Variants in TM4SF19 observed in about 807,000 individuals in gnomAD.
The protein encoded by TM4SF19 is transmembrane 4 L six family member 19.
A neutral mutation model predicts 21.8 loss-of-function variants in TM4SF19; 17 were observed. That is an observed-to-expected ratio of 0.78 (90% CI 0.53 to 1.17). The LOEUF is 1.17. Ranked by LOEUF, TM4SF19 falls within the 50% of genes most tolerant of loss-of-function variation. The probability of loss-of-function intolerance (pLI) is 0.00; values close to 1 mark genes in which losing one functional copy is unlikely to be tolerated. For synonymous variants in TM4SF19, 107 were observed against 106.7 expected, an observed-to-expected ratio of 1.00 and a Z score of -0.02; for missense variants, 216 against 252.1, an observed-to-expected ratio of 0.86 and a Z score of 0.97.
At chr3:196,335,586 G>A (rs1727723593) in intron 1 of TM4SF19, among the ~76,000 whole-genome samples, 1 of 151,670 alleles carries the variant, frequency 6.6e-6, no homozygotes, top group Non-Finnish European at 1.5e-5. Context: ...AGGGGCCCAA[G>A]GGTCCTGGGG....
At chr3:196,326,619 CAT>C (rs139537865) in intron 3 of TM4SF19, among the ~76,000 whole-genome samples, 2,316 of 152,220 alleles carry the variant, frequency 0.015, 60 homozygotes, top group African/African-American at 0.053. Context: ...ATCAATGACA[CAT>C]GATTACAGTG....
chr3:196,327,165 C>G, intron 2 of TM4SF19, 133 bp from the exon 3 acceptor site: 1 of 816,632 alleles, frequency 1.2e-6, no homozygotes, highest in East Asian at 2.7e-5. Context: ...TGGGGACCCA[C>G]ATTTGTATGA....
rs150300791 is a variant in TM4SF19 at position 196,338,325 on chromosome 3, A to G, written c.-63T>C. On this transcript the variant is annotated 5_prime_UTR_variant, in exon 1 of 5. Coordinates refer to ENST00000273695, the MANE Select transcript of TM4SF19 (RefSeq NM_138461.4). Reference sequence around the variant, plus strand: ...GAACCTGGAGAAAGGCTGCGTCTTCAGAGTGGGGCTCCACTCCTCCAGCTC... The same window carrying G: ...GAACCTGGAGAAAGGCTGCGTCTTCGGAGTGGGGCTCCACTCCTCCAGCTC... The G allele has an allele frequency of 0.01, 1,600 of 152,430 alleles. 9 individuals carry two copies. The highest frequency in any genetic ancestry group is 0.023 in the Middle Eastern group (7 of 298). 9.4% of individuals were successfully genotyped at this position (152,430 alleles called of 1,614,324 possible). A position where few individuals can be genotyped will look rare whatever the true frequency, so the allele number is the denominator to read the frequency against.
intron 3 of TM4SF19, among the ~76,000 whole-genome samples, chr3:196,326,364 G>A (rs1258279200): frequency 6.6e-6 from 1 of 151,080 alleles, no homozygotes; most frequent in Non-Finnish European, 1.5e-5. Flanking sequence ...GTTACCATAA[G>A]GCCACAGATT....
intron 1 of TM4SF19, among the ~76,000 whole-genome samples, chr3:196,331,396 G>T (rs1727500630): frequency 1.3e-5 from 2 of 151,508 alleles, no homozygotes; most frequent in Admixed American, 6.6e-5. Context: ...CCAGGAAGTG[G>T]CCTGTTCCCA....
chr3:196,324,189 G>A (rs1727189014), intron 4 of TM4SF19, 82 bp downstream of exon 4: 1 of 1,531,796 alleles, frequency 6.5e-7, no homozygotes, highest in Admixed American at 1.7e-5. Context: ...ACCCAAAGGA[G>A]CTTGTAGTTC....
chr3:196,334,673 T>C (rs1380691581), intron 1 of TM4SF19, among the ~76,000 whole-genome samples: 2 of 151,966 alleles, frequency 1.3e-5, no homozygotes, highest in Non-Finnish European at 2.9e-5. Flanking sequence ...AGGCTGGTCT[T>C]GAACTCCTGG....
At chr3:196,329,033 T>C (rs539594822) in intron 1 of TM4SF19, among the ~76,000 whole-genome samples, 1 of 150,616 alleles carries the variant, frequency 6.6e-6, no homozygotes, top group African/African-American at 2.4e-5. Context: ...AACCTCTGCC[T>C]CCCAGGTTCA....
At chr3:196,338,063 G>GAGAT (rs1261455362) in intron 1 of TM4SF19, among the ~76,000 whole-genome samples, 1 of 152,216 alleles carries the variant, frequency 6.6e-6, no homozygotes. Context: ...GATGGACGAT[G>GAGAT]AGATACTAGG....
intron 4 of TM4SF19, 65 bp downstream of exon 4, chr3:196,324,206 G>C: frequency 6.4e-7 from 1 of 1,565,254 alleles, no homozygotes; most frequent in East Asian, 2.2e-5. Context: ...GTTCGTCTGT[G>C]TGTCTTTTTG....
chr3:196,330,179 T>G (rs1212340231), intron 1 of TM4SF19, among the ~76,000 whole-genome samples: 1 of 152,038 alleles, frequency 6.6e-6, no homozygotes, highest in East Asian at 1.9e-4. Flanking sequence ...AGTCTCACTA[T>G]GTTACCCCAG....
intron 2 of TM4SF19, among the ~76,000 whole-genome samples, 163 bp from the exon 3 acceptor site, chr3:196,327,195 T>C (rs1553845076): frequency 6.6e-6 from 1 of 152,212 alleles, no homozygotes; most frequent in Non-Finnish European, 1.5e-5. Context: ...TCTAACGCTG[T>C]GGATGTTAAC....
Position 196,326,961 on chromosome 3 carries a change from A to G in TM4SF19, c.273T>C (p.Cys91=). The change falls in exon 3 of 5, where the codon TGT becomes TGC. Residue 91 remains cysteine (C), a synonymous_variant. Transcript: ENST00000273695. The part of the protein sequence containing the change: ...RYGCFSKSGL[C]RSVLTALLSG... The stretch of plus-strand genomic sequence containing the variant: ...AGTGGAATCTGGTGCTTACGCTTCG[A>G]CAGAGCCCACTCTTACTGAAGCAGC... 1 of 1,610,266 alleles carries G rather than the reference A, an allele frequency of 6.2e-7. No individual in the cohort carries two copies. Among genetic ancestry groups the G allele is most frequent in the Non-Finnish European group, 8.5e-7 (1 of 1,176,762 alleles).
chr3:196,331,284 A>T (rs115761639), intron 1 of TM4SF19, among the ~76,000 whole-genome samples: 21,863 of 149,064 alleles, frequency 0.15, 1,594 homozygotes, highest in Middle Eastern at 0.21. Context: ...CTAAAAAAAA[A>T]ATATATATAT....
intron 1 of TM4SF19, among the ~76,000 whole-genome samples, chr3:196,334,512 G>A (rs1185062959): frequency 2.0e-5 from 3 of 151,514 alleles, no homozygotes; most frequent in African/African-American, 4.9e-5. Flanking sequence ...GGAGTGCAGT[G>A]GCGCGATCTC....
rs1727195483 is a variant in TM4SF19, at chr3:196,324,277, T to G, written c.443A>C (p.His148Pro). Residue 148 changes from histidine to proline, a missense_variant, in exon 4 of 5, where the codon CAT (histidine) becomes CCT (proline). Physicochemically the swap from His to Pro is moderately conservative, Grantham distance 77 (BLOSUM62 -2). Transcript: ENST00000273695. ...WKYGYPFKDL[H>P]SRNYLYDRSL... is the part of the protein sequence containing the mutation. ...CAAGCCTCCACCCATTTACCTACTA[T>G]GCAGGTCTTTGAATGGGTAACCATA... 6.2e-7 allele frequency: 1 copy of G among 1,613,872 alleles called. No individual in the cohort carries two copies. Among genetic ancestry groups the G allele is most frequent in the Admixed American group, 1.7e-5 (1 of 59,984 alleles).
At chr3:196,336,272 G>A (rs1727758709) in intron 1 of TM4SF19, among the ~76,000 whole-genome samples, 1 of 152,000 alleles carries the variant, frequency 6.6e-6, no homozygotes, top group Non-Finnish European at 1.5e-5. Flanking sequence ...CTGAGTAGCT[G>A]GGATTACAGG....
intron 3 of TM4SF19, chr3:196,324,644 C>A (rs534704054): frequency 6.8e-6 from 4 of 585,456 alleles, no homozygotes; most frequent in African/African-American, 5.6e-5. Context: ...GAAGCATAAC[C>A]CATGGTGGGG....
At chr3:196,337,838 GC>G (rs1727835475) in intron 1 of TM4SF19, among the ~76,000 whole-genome samples, 1 of 151,832 alleles carries the variant, frequency 6.6e-6, no homozygotes. Flanking sequence ...CTCTCCCTCT[GC>G]CTTAAACCCA....
Sources: gnomAD v4.1 joint callset for allele counts (sites outside exome capture counted in the v4.1 genomes callset) on GRCh38, gnomAD v4.1.1 for gene constraint, MANE v1.5 for transcripts, NCBI Gene and HGNC (gene_info 2026-07-23, HGNC 2026-07-21) for gene names.